ASIC2: variants seen among roughly 807,000 people sequenced by gnomAD.
ASIC2 encodes acid sensing ion channel subunit 2.
A neutral mutation model predicts 57.3 loss-of-function variants in ASIC2; 25 were observed. The ratio of observed to expected loss-of-function variants is 0.44; its 90% CI spans 0.32 to 0.61. The LOEUF is 0.61. ASIC2 is among the 20% of genes least tolerant of loss of function. ASIC2 has a pLI of 0.06. For synonymous variants in ASIC2, 319 were observed against 307.5 expected (o/e 1.04, Z -0.39); for missense variants, 641 against 738.1 (o/e 0.87, Z 1.52).
At chr17:33,107,762 C>T (rs763698248) in intron 2 of ASIC2, among the ~76,000 whole-genome samples, 3 of 152,230 alleles carry the variant, frequency 2.0e-5, no homozygotes, top group Non-Finnish European at 4.4e-5. Flanking sequence ...TGGTGGTCAA[C>T]ACCATCACCA....
intron 1 of ASIC2, among the ~76,000 whole-genome samples, chr17:33,447,378 G>T (rs1297342697): frequency 6.6e-6 from 1 of 152,194 alleles, no homozygotes; most frequent in African/African-American, 2.4e-5. Context: ...CCTGTCAAAG[G>T]GGGTGTTCTT....
At chr17:33,937,351 G>A (rs1320350152) in intron 1 of ASIC2, among the ~76,000 whole-genome samples, 2 of 151,968 alleles carry the variant, frequency 1.3e-5, no homozygotes, top group African/African-American at 2.4e-5. Context: ...TGCCCACCTC[G>A]GCCTCCCAAA....
intron 1 of ASIC2, among the ~76,000 whole-genome samples, chr17:33,229,179 G>A (rs907295157): frequency 2.0e-5 from 3 of 152,160 alleles, no homozygotes; most frequent in Non-Finnish European, 4.4e-5. Context: ...CAAGCAAGAG[G>A]AGAGCTGAGA....
At chr17:33,728,736 G>A (rs1379172454) in intron 1 of ASIC2, among the ~76,000 whole-genome samples, 2 of 152,148 alleles carry the variant, frequency 1.3e-5, no homozygotes, top group African/African-American at 2.4e-5. Flanking sequence ...AATTATGGGA[G>A]GGAATGAGTT....
In ASIC2 at chr17:34,151,426, C is replaced by G. The variant is rs969434574; in HGVS notation, c.555+4552G>C. On this transcript the variant is annotated intron_variant, in intron 1 of 9. Transcript: ENST00000359872. ...TTTGATTGACAAAGGAATAACCATG[C>G]ATGAAGCACTATGACACACTGCTAT... Among the ~76,000 whole-genome samples, 2 of 152,158 alleles carry G rather than the reference C, an allele frequency of 1.3e-5. 1 individual carries two copies. The highest frequency in any genetic ancestry group is 1.3e-4 in the Admixed American group (2 of 15,270).
intron 1 of ASIC2, among the ~76,000 whole-genome samples, chr17:33,749,743 C>T (rs9911341): frequency 0.018 from 2,782 of 152,224 alleles, 92 homozygotes; most frequent in African/African-American, 0.062. Context: ...TCACCGTCAG[C>T]CCTGCCTGCT....
In ASIC2 at chr17:33,804,074, C is replaced by G. The variant is rs184330036; in HGVS notation, c.555+351904G>C. Among the ~76,000 whole-genome samples the G allele has an allele frequency of 2.6e-5, 4 of 152,270 alleles. No individual in the cohort carries two copies. The East Asian group carries it at 7.7e-4, about 29-fold the overall frequency. On this transcript the variant is annotated intron_variant, in intron 1 of 9. Coordinates refer to the ASIC2 transcript ENST00000359872. Reference sequence around the variant, plus strand: ...TTTGAAGTCAGCTTGAGACCTTTCCCTATTTGAACACCCAGAAATATGTGT... The same window carrying G: ...TTTGAAGTCAGCTTGAGACCTTTCCGTATTTGAACACCCAGAAATATGTGT...
chr17:34,023,438 C>T (rs929745148), intron 1 of ASIC2, among the ~76,000 whole-genome samples: 1 of 151,936 alleles, frequency 6.6e-6, no homozygotes, highest in Admixed American at 6.6e-5. Flanking sequence ...GCTGCAGAGG[C>T]TCACACACTG....
chr17:33,803,904 G>A (rs1449092776), intron 1 of ASIC2, among the ~76,000 whole-genome samples: 2 of 152,070 alleles, frequency 1.3e-5, no homozygotes, highest in Non-Finnish European at 2.9e-5. Context: ...AGTGTGGGGT[G>A]GAAAGGTAGC....
At chr17:33,876,856 T>C (rs1914558843) in intron 1 of ASIC2, among the ~76,000 whole-genome samples, 4 of 152,112 alleles carry the variant, frequency 2.6e-5, no homozygotes, top group African/African-American at 9.6e-5. Context: ...CTCGAAATGT[T>C]CCTGTCACCC....
At chr17:33,484,238 G>A (rs976399292) in intron 1 of ASIC2, among the ~76,000 whole-genome samples, 4 of 152,142 alleles carry the variant, frequency 2.6e-5, no homozygotes, top group African/African-American at 4.8e-5. Context: ...AATATAGTCC[G>A]ACACATTTTA....
rs145695081 is a variant in ASIC2 at position 34,022,736 on chromosome 17, A to G, written c.555+133242T>C. ...TTTGGCATGAAGAAGTGGTTCATTA[A>G]TAAGCCATAGCAACCCTTGTTAACT... On this transcript the variant is annotated intron_variant, in intron 1 of 9. Coordinates refer to the ASIC2 transcript ENST00000359872. 2.5e-3 allele frequency among the ~76,000 whole-genome samples: 377 copies of G among 152,284 alleles called. 2 individuals carry two copies. The highest frequency in any genetic ancestry group is 8.6e-3 in the African/African-American group (357 of 41,568).
chr17:33,659,069 G>A (rs2142043303), intron 1 of ASIC2, among the ~76,000 whole-genome samples: 1 of 152,288 alleles, frequency 6.6e-6, no homozygotes, highest in Admixed American at 6.5e-5. Flanking sequence ...ATAGGGAATA[G>A]ATTTCAACGT....
At chr17:33,177,763 T>C (rs2142055455) in intron 1 of ASIC2, among the ~76,000 whole-genome samples, 1 of 152,262 alleles carries the variant, frequency 6.6e-6, no homozygotes, top group East Asian at 1.9e-4. Flanking sequence ...GGAGACCCAG[T>C]CCAGGGCCTA....
At chr17:33,564,832 T>A (rs1916183353) in intron 1 of ASIC2, among the ~76,000 whole-genome samples, 1 of 102,890 alleles carries the variant, frequency 9.7e-6, no homozygotes, top group Admixed American at 8.5e-5. Context: ...ACTGCTTAAA[T>A]GCATCTTAAG....
intron 1 of ASIC2, among the ~76,000 whole-genome samples, chr17:33,145,601 A>G (rs943705663): frequency 1.3e-5 from 2 of 152,166 alleles, no homozygotes; most frequent in Admixed American, 6.5e-5. Context: ...TTTGTTTCAA[A>G]TTCCTTACCT....
intron 1 of ASIC2, among the ~76,000 whole-genome samples, chr17:33,171,435 G>A (rs939108922): frequency 3.9e-5 from 6 of 152,168 alleles, no homozygotes; most frequent in African/African-American, 1.4e-4. Context: ...AGTTGCACAA[G>A]TGTTGTCTTT....
rs775974118 is a variant in ASIC2, at chr17:33,656,421, C to T, written c.555+499557G>A. On this transcript the variant is annotated intron_variant, in intron 1 of 9. Transcript: ENST00000359872. ...TTGTATCTCTAAGTATGTCCTTGTCCCCCAACATTGCAAATGGCCTAAGAC... is the reference window on the plus strand; with the variant it reads ...TTGTATCTCTAAGTATGTCCTTGTCTCCCAACATTGCAAATGGCCTAAGAC... 2.6e-5 allele frequency among the ~76,000 whole-genome samples: 4 copies of T among 152,026 alleles called. No homozygotes were observed. The South Asian group carries it at 8.3e-4, about 32-fold the overall frequency.
chr17:33,973,269 A>G (rs1039490880), intron 1 of ASIC2, among the ~76,000 whole-genome samples: 1 of 152,224 alleles, frequency 6.6e-6, no homozygotes, highest in African/African-American at 2.4e-5. Flanking sequence ...CTAGGAGCCA[A>G]GGATTTAGGA....
Sources: gnomAD v4.1 joint callset for allele counts (sites outside exome capture counted in the v4.1 genomes callset) on GRCh38, gnomAD v4.1.1 for gene constraint, MANE v1.5 for transcripts, NCBI Gene and HGNC (gene_info 2026-07-23, HGNC 2026-07-21) for gene names.